Variants in NEMP2 observed in about 807,000 individuals in gnomAD.
The protein encoded by NEMP2 is UPF0571 transmembrane protein.
A neutral mutation model predicts 54.2 loss-of-function variants in NEMP2; 53 were observed. The ratio of observed to expected loss-of-function variants is 0.98; its 90% confidence interval spans 0.78 to 1.23. NEMP2 has a LOEUF of 1.23. NEMP2 is among the 50% of genes most tolerant of loss of function. The pLI is 0.00. For synonymous variants in NEMP2, 197 were observed against 190.3 expected (o/e 1.04, Z -0.29); for missense variants, 455 against 511.3 (o/e 0.89, Z 1.06).
At chr2:190,648,259 C>T in the NEMP2 span, 3 of 152,290 alleles carry the variant, frequency 2.0e-5, no homozygotes, top group Admixed American at 6.5e-5. Flanking sequence ...ACTTCGGACT[C>T]CCTGGTTCCA....
At chr2:190,614,004 C>A in the NEMP2 span, among the ~76,000 whole-genome samples, 1 of 116,028 alleles carries the variant, frequency 8.6e-6, no homozygotes, top group South Asian at 2.8e-4. This position sits in a 1 kb window ranked among gnomAD's most constrained non-coding sequence, Gnocchi z 5.7. Context: ...AGTATTTAAG[C>A]ACTTTTATTT....
the NEMP2 span, among the ~76,000 whole-genome samples, chr2:190,645,255 TAAAA>T: frequency 1.3e-5 from 2 of 152,026 alleles, no homozygotes; most frequent in Non-Finnish European, 2.9e-5. Flanking sequence ...GAATAATAAA[TAAAA>T]AAACAGAATT....
At chr2:190,634,380 GTGTT>G in the NEMP2 span, among the ~76,000 whole-genome samples, 3 of 152,164 alleles carry the variant, frequency 2.0e-5, no homozygotes, top group South Asian at 2.1e-4. This position sits in a 1 kb window ranked among gnomAD's most constrained non-coding sequence, Gnocchi z 6.8. Flanking sequence ...TTTATAATGT[GTGTT>G]TGTTTAATTA....
the NEMP2 span, among the ~76,000 whole-genome samples, chr2:190,487,100 T>G: frequency 6.6e-5 from 10 of 152,138 alleles, no homozygotes; most frequent in Non-Finnish European, 1.5e-4. The surrounding 1 kb of genome is among the most constrained non-coding windows in gnomAD (Gnocchi z 5.5). Context: ...CCCAGCACTT[T>G]GAGAGGCTGA....
At chr2:190,546,917 C>T in the NEMP2 span, among the ~76,000 whole-genome samples, 1 of 152,302 alleles carries the variant, frequency 6.6e-6, no homozygotes, top group East Asian at 1.9e-4. The surrounding 1 kb of genome is among the most constrained non-coding windows in gnomAD (Gnocchi z 5.1). Context: ...TTCTTTCCAC[C>T]ACTCTCCACT....
At chr2:190,583,129 T>G in the NEMP2 span, among the ~76,000 whole-genome samples, 1 of 152,190 alleles carries the variant, frequency 6.6e-6, no homozygotes, top group East Asian at 1.9e-4. Context: ...AATGTCATAC[T>G]TACCTAAGAG....
the NEMP2 span, among the ~76,000 whole-genome samples, chr2:190,571,957 C>T: frequency 6.6e-6 from 1 of 152,164 alleles, no homozygotes; most frequent in Non-Finnish European, 1.5e-5. Flanking sequence ...CCCTGCACTA[C>T]AGCATGCCTT....
At chr2:190,471,108 G>A in the NEMP2 span, among the ~76,000 whole-genome samples, 4 of 152,126 alleles carry the variant, frequency 2.6e-5, no homozygotes, top group African/African-American at 9.7e-5. This position sits in a 1 kb window ranked among gnomAD's most constrained non-coding sequence, Gnocchi z 4.7. Flanking sequence ...ATAACAGGAG[G>A]GTGGAGCCAA....
the NEMP2 span, among the ~76,000 whole-genome samples, chr2:190,590,944 A>G: frequency 5.3e-5 from 8 of 152,298 alleles, no homozygotes; most frequent in South Asian, 1.7e-3. This position sits in a 1 kb window ranked among gnomAD's most constrained non-coding sequence, Gnocchi z 5.1. Flanking sequence ...AACAGCCTGG[A>G]TTATAAAACA....
At chr2:190,575,102 G>T in the NEMP2 span, among the ~76,000 whole-genome samples, 2 of 151,636 alleles carry the variant, frequency 1.3e-5, no homozygotes, top group African/African-American at 2.4e-5. Context: ...TGATCTGCCC[G>T]CCTCGCCCTC....
At chr2:190,456,314 G>A in the NEMP2 span, among the ~76,000 whole-genome samples, 1 of 152,164 alleles carries the variant, frequency 6.6e-6, no homozygotes, top group African/African-American at 2.4e-5. The surrounding 1 kb of genome is among the most constrained non-coding windows in gnomAD (Gnocchi z 5.4). Flanking sequence ...GTTTAGCATG[G>A]TGAGTGGGAA....
At chr2:190,463,614 AG>A in the NEMP2 span, among the ~76,000 whole-genome samples, 1 of 152,182 alleles carries the variant, frequency 6.6e-6, no homozygotes, top group Non-Finnish European at 1.5e-5. This position sits in a 1 kb window ranked among gnomAD's most constrained non-coding sequence, Gnocchi z 4.4. Flanking sequence ...TGAGCCCAGG[AG>A]TTCATGACCA....
chr2:190,537,305 C>T (rs1052520978), upstream of NEMP2, among the ~76,000 whole-genome samples: 4 of 152,298 alleles, frequency 2.6e-5, no homozygotes, highest in East Asian at 3.9e-4. Context: ...TTGGCTGTCT[C>T]GCCACCCAAA....
At chr2:190,624,500 G>T in the NEMP2 span, 1 of 152,086 alleles carries the variant, frequency 6.6e-6, no homozygotes, top group South Asian at 2.1e-4. Flanking sequence ...TATGGAAGAC[G>T]TATCCACATT....
chr2:190,592,780 G>A, the NEMP2 span, among the ~76,000 whole-genome samples: 2 of 151,968 alleles, frequency 1.3e-5, no homozygotes, highest in Non-Finnish European at 1.5e-5. The surrounding 1 kb of genome is among the most constrained non-coding windows in gnomAD (Gnocchi z 4.4). Flanking sequence ...AATACAGATG[G>A]AGCAATAAAG....
the NEMP2 span, among the ~76,000 whole-genome samples, chr2:190,434,172 C>A: frequency 2.5e-4 from 34 of 136,332 alleles, no homozygotes; most frequent in African/African-American, 9.1e-4. This position sits in a 1 kb window ranked among gnomAD's most constrained non-coding sequence, Gnocchi z 4.3. Flanking sequence ...CAGAGTAAGA[C>A]CCTGTCTCTC....
the NEMP2 span, among the ~76,000 whole-genome samples, chr2:190,599,702 G>A: frequency 1.6e-4 from 24 of 152,134 alleles, no homozygotes; most frequent in African/African-American, 3.9e-4. Context: ...ATATAAGCCA[G>A]GTGTTCACAG....
the NEMP2 span, among the ~76,000 whole-genome samples, chr2:190,572,855 ATATATATATATATATATATATG>A: frequency 7.9e-6 from 1 of 127,282 alleles, no homozygotes; most frequent in African/African-American, 3.0e-5. Flanking sequence ...ATATATATAT[ATATATATATATATATATATATG>A]TATATATTTT....
the NEMP2 span, among the ~76,000 whole-genome samples, chr2:190,570,138 G>A: frequency 5.3e-5 from 8 of 152,298 alleles, no homozygotes; most frequent in African/African-American, 1.9e-4. The surrounding 1 kb of genome is among the most constrained non-coding windows in gnomAD (Gnocchi z 5.4). Flanking sequence ...CACAAAAAAG[G>A]TTGGGAAGCA....
Sources: allele counts gnomAD v4.1 joint callset (sites outside exome capture counted in the v4.1 genomes callset), GRCh38; gene constraint gnomAD v4.1.1; non-coding constraint Gnocchi (gnomAD v3.1); transcripts MANE v1.5; gene names NCBI Gene and HGNC (gene_info 2026-07-23, HGNC 2026-07-21).